The following BCAS3 variants were observed in gnomAD, a reference collection of about 807,000 sequenced individuals.
BCAS3 encodes BCAS3 microtubule associated cell migration factor.
In BCAS3, 53 loss-of-function variants were observed where a neutral mutation model predicts 116.1. The observed-to-expected ratio is 0.46, with a 90% confidence interval of 0.37 to 0.57. BCAS3 has a LOEUF of 0.57. BCAS3 is among the 20% of genes least tolerant of loss of function. BCAS3 has a pLI of 0.00. For synonymous variants in BCAS3, 391 were observed against 408.2 expected, an observed-to-expected ratio of 0.96 and a Z score of 0.51; for missense variants, 917 against 1,165.4, an observed-to-expected ratio of 0.79 and a Z score of 3.10.
chr17:61,225,750 C>T (rs1290070000), intron 22 of BCAS3, among the ~76,000 whole-genome samples: 1 of 152,052 alleles, frequency 6.6e-6, no homozygotes, highest in African/African-American at 2.4e-5. Context: ...TCCAGAAATA[C>T]TTAGGTGTCT....
chr17:60,857,386 G>A (rs7213033), intron 7 of BCAS3, among the ~76,000 whole-genome samples: 4,627 of 152,174 alleles, frequency 0.03, 181 homozygotes, highest in East Asian at 0.091. Context: ...TTACCTTTAA[G>A]GTCATAGCCC....
intron 22 of BCAS3, among the ~76,000 whole-genome samples, chr17:61,090,516 C>T (rs538933039): frequency 5.3e-5 from 8 of 152,230 alleles, no homozygotes; most frequent in Admixed American, 1.3e-4. Context: ...TCTAATCTTT[C>T]GACTATCTGC....
chr17:61,331,500 G>T (rs890712771), intron 22 of BCAS3, among the ~76,000 whole-genome samples: 1 of 152,024 alleles, frequency 6.6e-6, no homozygotes, highest in African/African-American at 2.4e-5. Flanking sequence ...TAGCCTCAAG[G>T]AAAAGGTCCA....
chr17:61,073,835 C>A lies in BCAS3; in HGVS notation c.2030-1085C>A, dbSNP rs776880610. 6.6e-6 allele frequency among the ~76,000 whole-genome samples: 1 copy of A among 152,000 alleles called. No individual in the cohort carries two copies. The highest frequency in any genetic ancestry group is 1.5e-5 in the Non-Finnish European group (1 of 68,016). On this transcript the variant is annotated intron_variant, in intron 19 of 23. Coordinates refer to ENST00000407086, the MANE Select transcript of BCAS3 (RefSeq NM_017679.5). This position sits in a 1 kb window ranked among gnomAD's most constrained non-coding sequence, Gnocchi z 4.6. The stretch of plus-strand genomic sequence containing the variant: ...CTGAGTATTAAAATGGTAGGCCAGG[C>A]GTGGTGGTTCATGCCTGTAATCCCA...
At position 61,004,606 on chromosome 17, in the gene BCAS3, C is replaced by G. The variant is rs561108959; in HGVS notation, c.1487-11145C>G. ...CAACAAGACAGGGATCAGGGCTATA[C>G]CAGGATTATGCACAGAAGTAGAAAT... is the stretch of plus-strand genomic sequence containing the variant. On this transcript the variant is annotated intron_variant, in intron 15 of 23. Coordinates refer to ENST00000407086, the MANE Select transcript of BCAS3 (RefSeq NM_017679.5). The surrounding 1 kb of genome is among the most constrained non-coding windows in gnomAD (Gnocchi z 4.8). Among the ~76,000 whole-genome samples the G allele has an allele frequency of 6.1e-4, 93 of 151,890 alleles. 1 individual carries two copies. The South Asian group carries it at 0.019, about 31-fold the overall frequency.
intron 22 of BCAS3, chr17:61,135,976 C>CGCTGCT (rs937556096): frequency 4.4e-5 from 7 of 160,094 alleles, no homozygotes; most frequent in Non-Finnish European, 6.8e-5. Flanking sequence ...CCTCTCCTGC[C>CGCTGCT]GCTGCTGCTG....
chr17:61,100,486 C>T (rs949738060), intron 22 of BCAS3, among the ~76,000 whole-genome samples: 3 of 152,120 alleles, frequency 2.0e-5, no homozygotes, highest in African/African-American at 7.2e-5. Context: ...TTCCAACTCA[C>T]CCCCTTGATT....
chr17:60,898,677 G>A (rs1474778811), intron 10 of BCAS3, among the ~76,000 whole-genome samples: 1 of 152,154 alleles, frequency 6.6e-6, no homozygotes, highest in African/African-American at 2.4e-5. Context: ...CTGATTGTTG[G>A]TCTTCCAGGT....
At position 61,065,934 on chromosome 17, in the gene BCAS3, TAA is replaced by T. The variant is rs954537666; in HGVS notation, c.2030-8985_2030-8984del. Reference sequence around the variant, plus strand: ...TATAGATCAGTGTGAATTTTTGAATTAAGAGACTCTAAATTTCTATTTCTATA... The same window carrying T: ...TATAGATCAGTGTGAATTTTTGAATTGAGACTCTAAATTTCTATTTCTATA... On this transcript the variant is annotated intron_variant, in intron 19 of 23. Coordinates refer to ENST00000407086, the MANE Select transcript of BCAS3 (RefSeq NM_017679.5). The surrounding 1 kb of genome is among the most constrained non-coding windows in gnomAD (Gnocchi z 4.8). 6.6e-6 allele frequency among the ~76,000 whole-genome samples: 1 copy of T among 152,204 alleles called. No homozygotes were observed. The highest frequency in any genetic ancestry group is 2.4e-5 in the African/African-American group (1 of 41,446).
chr17:61,296,188 C>T (rs1405326332), intron 22 of BCAS3, among the ~76,000 whole-genome samples: 5 of 152,184 alleles, frequency 3.3e-5, no homozygotes, highest in Admixed American at 3.3e-4. Flanking sequence ...TGTTTCCATA[C>T]TCTCTCATTC....
At position 61,364,706 on chromosome 17, in the gene BCAS3, T is replaced by TCAAAA. The variant is rs1029301719; in HGVS notation, c.2426-3603_2426-3599dup. 5.0e-4 allele frequency among the ~76,000 whole-genome samples: 76 copies of TCAAAA among 152,316 alleles called. No individual in the cohort carries two copies. The highest frequency in any genetic ancestry group is 3.4e-3 in the Middle Eastern group (1 of 294). On this transcript the variant is annotated intron_variant, in intron 22 of 23. Transcript: ENST00000407086. The surrounding 1 kb of genome is among the most constrained non-coding windows in gnomAD (Gnocchi z 5.4). ...CTGGGCAAAAGAGTGAGACCCCGTC[T>TCAAAA]CAAAACAAAACAAAACAAAACAGTT... is the stretch of plus-strand genomic sequence containing the variant.
At chr17:60,953,836 C>T (rs564630618) in intron 14 of BCAS3, among the ~76,000 whole-genome samples, 2 of 151,292 alleles carry the variant, frequency 1.3e-5, no homozygotes, top group South Asian at 2.1e-4. Flanking sequence ...CGAGTTCAGG[C>T]GATTCTCCTG....
At chr17:61,359,796 CT>C (rs552163715) in intron 22 of BCAS3, among the ~76,000 whole-genome samples, 2 of 151,962 alleles carry the variant, frequency 1.3e-5, no homozygotes, top group African/African-American at 4.8e-5. Context: ...TGGCCAGGTT[CT>C]TTTTTTGTAA....
rs546193361 is a variant in BCAS3 at position 61,041,064 on chromosome 17, C to T, written c.2029+172C>T. On this transcript the variant is annotated intron_variant, in intron 19 of 23. Transcript: ENST00000407086. The surrounding 1 kb of genome is among the most constrained non-coding windows in gnomAD (Gnocchi z 4.7). ...AATATAAACTGTAAGCCTTAGTATA[C>T]ATTATGTCTCTGACTGCTTATATTC... Among the ~76,000 whole-genome samples, 3 of 152,186 alleles carry T rather than the reference C, an allele frequency of 2.0e-5. No homozygotes were observed. The highest frequency in any genetic ancestry group is 3.9e-4 in the East Asian group (2 of 5,192).
chr17:61,057,373 T>G (rs1207188384), intron 19 of BCAS3, among the ~76,000 whole-genome samples: 1 of 152,256 alleles, frequency 6.6e-6, no homozygotes, highest in African/African-American at 2.4e-5. Flanking sequence ...GATTTGTGAC[T>G]GCTCCAGTGT....
At position 61,028,105 on chromosome 17, in the gene BCAS3, AC is replaced by A. The variant is rs1042660613; in HGVS notation, c.1638-6560del. Among the ~76,000 whole-genome samples the A allele has an allele frequency of 6.6e-5, 10 of 151,864 alleles. No individual in the cohort carries two copies. The highest frequency in any genetic ancestry group is 4.6e-4 in the Admixed American group (7 of 15,222). ...TACTGTTCTATTACACTAGAAAAAA[AC>A]ATTCCAACGTTTTTTCCTCTTGGAC... On this transcript the variant is annotated intron_variant, in intron 16 of 23. Transcript: ENST00000407086. This position sits in a 1 kb window ranked among gnomAD's most constrained non-coding sequence, Gnocchi z 4.3.
intron 16 of BCAS3, among the ~76,000 whole-genome samples, chr17:61,031,819 G>T (rs896372135): frequency 2.0e-5 from 3 of 151,936 alleles, no homozygotes; most frequent in Non-Finnish European, 4.4e-5. Flanking sequence ...AAGAAATGAT[G>T]AAATATAAAA....
At chr17:61,070,263 T>G (rs1468147533) in intron 19 of BCAS3, 2 of 1,480,348 alleles carry the variant, frequency 1.4e-6, no homozygotes, top group Admixed American at 3.4e-5. Context: ...TTTGGCCTGA[T>G]GGAGAGAAGA....
At chr17:60,963,104 T>C (rs2061488270) in intron 14 of BCAS3, among the ~76,000 whole-genome samples, 1 of 152,228 alleles carries the variant, frequency 6.6e-6, no homozygotes, top group Non-Finnish European at 1.5e-5. Context: ...GTGTATCTAT[T>C]TTTATGCCGG....
Sources: gnomAD v4.1 joint callset for allele counts (sites outside exome capture counted in the v4.1 genomes callset) on GRCh38, gnomAD v4.1.1 for gene constraint, Gnocchi (gnomAD v3.1) non-coding constraint, MANE v1.5 for transcripts, NCBI Gene and HGNC (gene_info 2026-07-23, HGNC 2026-07-21) for gene names.